The following PTPRN2 variants were observed in gnomAD, a reference collection of about 807,000 sequenced individuals.
PTPRN2 encodes protein tyrosine phosphatase receptor type N2.
Under a neutral mutation model 118.8 loss-of-function variants are expected in PTPRN2, and 74 were observed. The ratio of observed to expected loss-of-function variants is 0.62; its 90% CI spans 0.52 to 0.76. The LOEUF (loss-of-function observed/expected upper bound fraction) is 0.76, where lower values mean the gene tolerates loss of function less well. Ranked by LOEUF, PTPRN2 falls within the 30% of genes least tolerant of loss-of-function variation. The probability of loss-of-function intolerance (pLI) is 0.00; values close to 1 mark genes in which losing one functional copy is unlikely to be tolerated. For missense variants in PTPRN2, 1,481 were observed against 1,394.4 expected, an observed-to-expected ratio of 1.06 and a Z score of -0.99; for synonymous variants, 641 against 608.0, an observed-to-expected ratio of 1.05 and a Z score of -0.80.
In PTPRN2 at chr7:157,603,655, T is replaced by C. The variant is rs957313324; in HGVS notation, c.2418+347A>G. ...CTCATGTCCCCATGCCCCATGAATA[T>C]ACAGGGAATGTGTAGCTCCAGGAAA... On this transcript the variant is annotated intron_variant, in intron 16 of 22. Transcript: ENST00000389418. This position sits in a 1 kb window ranked among gnomAD's most constrained non-coding sequence, Gnocchi z 5.4. Among the ~76,000 whole-genome samples the C allele has an allele frequency of 1.3e-5, 2 of 152,130 alleles. No individual in the cohort carries two copies. The highest frequency in any genetic ancestry group is 2.4e-5 in the African/African-American group (1 of 41,420).
intron 1 of PTPRN2, among the ~76,000 whole-genome samples, chr7:158,500,911 G>A (rs2129446330): frequency 6.6e-6 from 1 of 152,358 alleles, no homozygotes; most frequent in East Asian, 1.9e-4. Context: ...CGGTGCTGCT[G>A]GGCCGCGCTC....
chr7:158,431,219 TTACACTGGGTA>T (rs1464207905), intron 2 of PTPRN2, among the ~76,000 whole-genome samples: 9 of 146,750 alleles, frequency 6.1e-5, no homozygotes, highest in East Asian at 2.1e-4. Flanking sequence ...CCACACTGGC[TTACACTGGGTA>T]TACACTGGGC....
intron 12 of PTPRN2, among the ~76,000 whole-genome samples, chr7:157,770,095 G>A (rs1322043919): frequency 1.3e-5 from 2 of 152,204 alleles, no homozygotes; most frequent in Non-Finnish European, 2.9e-5. Context: ...CGCTGCCACC[G>A]GCCCCGGTGA....
At chr7:158,283,428 T>C (rs761088181) in intron 3 of PTPRN2, among the ~76,000 whole-genome samples, 1 of 152,064 alleles carries the variant, frequency 6.6e-6, no homozygotes, top group South Asian at 2.1e-4. Flanking sequence ...GCAAAACCAC[T>C]GAGACCACCA....
chr7:157,730,195 C>T (rs949607355), intron 12 of PTPRN2, among the ~76,000 whole-genome samples: 3 of 152,078 alleles, frequency 2.0e-5, no homozygotes, highest in African/African-American at 7.2e-5. Context: ...CCTGCCCCCC[C>T]CCGGGCACTC....
At chr7:158,194,375 A>G (rs1055875872) in intron 4 of PTPRN2, among the ~76,000 whole-genome samples, 1 of 152,244 alleles carries the variant, frequency 6.6e-6, no homozygotes, top group African/African-American at 2.4e-5. Context: ...AAGATGGGCC[A>G]GTCTGGGGGC....
chr7:158,587,788 C>T lies in PTPRN2; in HGVS notation c.-119G>A. The T allele has an allele frequency of 1.0e-5, 10 of 956,978 alleles. No homozygotes were observed. Among genetic ancestry groups the T allele is most frequent in the Non-Finnish European group, 1.2e-5 (10 of 800,712 alleles). The allele number at this position is 956,978 out of a possible 1,614,324, so 59.3% of individuals were successfully genotyped here. ...CTCCTCCCGCCGCGCCTCTCGCGCT[C>T]TTGCGGCGACGCCGGGCCGAGCTTC... is the stretch of plus-strand genomic sequence containing the variant. On this transcript the variant is annotated 5_prime_UTR_variant, in exon 1 of 23. Coordinates refer to ENST00000389418, the MANE Select transcript of PTPRN2 (RefSeq NM_002847.5).
chr7:157,547,202 T>C (rs1226560812), intron 22 of PTPRN2, among the ~76,000 whole-genome samples: 2 of 152,186 alleles, frequency 1.3e-5, no homozygotes, highest in Admixed American at 1.3e-4. Context: ...CTGAGGTGGC[T>C]CTCGCTGACC....
chr7:157,721,858 A>G (rs1228971287), intron 12 of PTPRN2, among the ~76,000 whole-genome samples: 9 of 152,108 alleles, frequency 5.9e-5, no homozygotes, highest in Non-Finnish European at 1.2e-4. Context: ...CATTTTATTC[A>G]TCGTGTTACA....
chr7:157,992,032 C>T (rs913086911), intron 11 of PTPRN2, among the ~76,000 whole-genome samples: 1 of 152,256 alleles, frequency 6.6e-6, no homozygotes, highest in African/African-American at 2.4e-5. Flanking sequence ...GAACAGACGC[C>T]TGAGTGCCGG....
At chr7:158,177,033 G>C (rs1451433134) in intron 5 of PTPRN2, among the ~76,000 whole-genome samples, 1 of 152,192 alleles carries the variant, frequency 6.6e-6, no homozygotes, top group Admixed American at 6.5e-5. Flanking sequence ...GTGACAGTTT[G>C]GGGCTGTTCT....
At chr7:158,434,789 G>A (rs1182243568) in intron 2 of PTPRN2, among the ~76,000 whole-genome samples, 1 of 151,770 alleles carries the variant, frequency 6.6e-6, no homozygotes, top group Non-Finnish European at 1.5e-5. Context: ...TTCTTAGCTT[G>A]TTAGCTATTC....
At position 157,903,633 on chromosome 7, in the gene PTPRN2, G is replaced by GT. The variant is rs1797594781; in HGVS notation, c.1724-4897dup. 6.9e-6 allele frequency among the ~76,000 whole-genome samples: 1 copy of GT among 144,406 alleles called. No individual in the cohort carries two copies. Among genetic ancestry groups the GT allele is most frequent in the Non-Finnish European group, 1.5e-5 (1 of 66,012 alleles). The allele number at this position is 144,406 out of a possible 152,430, so 94.7% of individuals were successfully genotyped here. On this transcript the variant is annotated intron_variant, in intron 11 of 22. Coordinates refer to ENST00000389418, the MANE Select transcript of PTPRN2 (RefSeq NM_002847.5). The surrounding 1 kb of genome is among the most constrained non-coding windows in gnomAD (Gnocchi z 4.2). ...AGCAAACAACCTGAATTAGTGTTTGGTTTTTTCTTTTTCCTTTTTTTTTTT... is the reference window on the plus strand; with the variant it reads ...AGCAAACAACCTGAATTAGTGTTTGGTTTTTTTCTTTTTCCTTTTTTTTTTT...
intron 13 of PTPRN2, among the ~76,000 whole-genome samples, chr7:157,669,963 C>T (rs1468853146): frequency 6.6e-6 from 1 of 152,210 alleles, no homozygotes; most frequent in Admixed American, 6.5e-5. Flanking sequence ...TCTGTACCCA[C>T]AGCATCTACG....
At chr7:157,713,754 G>A (rs760316187) in intron 12 of PTPRN2, among the ~76,000 whole-genome samples, 6 of 152,168 alleles carry the variant, frequency 3.9e-5, no homozygotes, top group Non-Finnish European at 8.8e-5. Flanking sequence ...CGACAGCTGT[G>A]GCCAGATCCA....
chr7:158,273,385 C>T (rs1284619082), intron 3 of PTPRN2, among the ~76,000 whole-genome samples: 1 of 144,758 alleles, frequency 6.9e-6, no homozygotes, highest in Non-Finnish European at 1.5e-5. Flanking sequence ...GTCCCAGCGT[C>T]GTGGATGCAG....
intron 11 of PTPRN2, among the ~76,000 whole-genome samples, chr7:158,010,556 T>C (rs545481707): frequency 6.6e-6 from 1 of 152,300 alleles, no homozygotes; most frequent in South Asian, 2.1e-4. Context: ...TAACAGGCAA[T>C]GAAGAAATCT....
chr7:158,417,787 T>A (rs11971302), intron 2 of PTPRN2, among the ~76,000 whole-genome samples: 1 of 83,076 alleles, frequency 1.2e-5, no homozygotes, highest in East Asian at 3.6e-4. Flanking sequence ...TAAGTCACGG[T>A]GTACTACATC....
chr7:157,607,522 A>G (rs541599682), intron 15 of PTPRN2, among the ~76,000 whole-genome samples: 48 of 152,378 alleles, frequency 3.2e-4, no homozygotes, highest in African/African-American at 1.1e-3. Flanking sequence ...GGGAACAGGC[A>G]GCGCAGCCTG....
Sources: allele counts gnomAD v4.1 joint callset (sites outside exome capture counted in the v4.1 genomes callset), GRCh38; gene constraint gnomAD v4.1.1; non-coding constraint Gnocchi (gnomAD v3.1); transcripts MANE v1.5; gene names NCBI Gene and HGNC (gene_info 2026-07-23, HGNC 2026-07-21).